CFH: variants seen among roughly 807,000 people sequenced by gnomAD.
The protein encoded by CFH is complement factor H, also known as H factor 1 (complement).
A neutral mutation model predicts 147.3 loss-of-function variants in CFH; 53 were observed. The observed-to-expected ratio is 0.36, with a 90% CI of 0.29 to 0.45. CFH has a LOEUF of 0.45. Ranked by LOEUF, CFH falls within the 20% of genes least tolerant of loss-of-function variation. The pLI is 1.00. For missense variants in CFH, 1,380 were observed against 1,498.0 expected (o/e 0.92, Z 1.30); for synonymous variants, 536 against 489.4 (o/e 1.10, Z -1.26).
chr1:196,673,233 G>A, intron 2 of CFH, 70 bp downstream of exon 2: 1 of 1,310,064 alleles, frequency 7.6e-7, no homozygotes. Flanking sequence ...TAATATTGTA[G>A]CAATTATGCC....
intron 11 of CFH, among the ~76,000 whole-genome samples, chr1:196,724,010 T>C (rs1033519333): frequency 6.6e-6 from 1 of 152,040 alleles, no homozygotes; most frequent in Non-Finnish European, 1.5e-5. Context: ...TACTCCTCCC[T>C]TGCAGAGCCA....
At chr1:196,669,920 G>T (rs780102311) in intron 1 of CFH, among the ~76,000 whole-genome samples, 1 of 152,182 alleles carries the variant, frequency 6.6e-6, no homozygotes, top group South Asian at 2.1e-4. Flanking sequence ...CCAGGGCAGG[G>T]GGCCATACCT....
At chr1:196,733,451 G>A (rs947461742) in intron 15 of CFH, among the ~76,000 whole-genome samples, 1 of 152,076 alleles carries the variant, frequency 6.6e-6, no homozygotes, top group Non-Finnish European at 1.5e-5. Context: ...AGAGTTTTAA[G>A]AGGAGTCCTT....
chr1:196,713,815 G>A lies in CFH; in HGVS notation c.1417G>A (p.Ala473Thr), dbSNP rs1306233930. 1 of 1,611,806 alleles carries A rather than the reference G, an allele frequency of 6.2e-7. No individual in the cohort carries two copies. Among genetic ancestry groups the A allele is most frequent in the South Asian group, 1.1e-5 (1 of 91,024 alleles). Residue 473 changes from alanine (A) to threonine (T), a missense_variant, in exon 10 of 22, where the codon GCG (alanine) becomes ACG (threonine). By Grantham distance (58) the Ala-to-Thr change is moderately conservative. Transcript: ENST00000367429. ...SQYTYALKEK[A>T]KYQCKLGYVT... ...GTATACATATGCCTTAAAAGAAAAA[G>A]CGAAATATCAATGCAAACTAGGATA...
chr1:196,688,927 A>T lies in CFH; in HGVS notation c.965-493A>T, dbSNP rs117860689. The stretch of plus-strand genomic sequence containing the variant: ...CGCCCAGCCCATGAATTCAATCTAA[A>T]ACAAATAAAAACCTTAAATCCCTCA... On this transcript the variant is annotated intron_variant, in intron 7 of 21. Transcript: ENST00000367429. Among the ~76,000 whole-genome samples the T allele has an allele frequency of 2.9e-3, 441 of 152,222 alleles. 2 individuals are homozygous for T. The highest frequency in any genetic ancestry group is 0.021 in the East Asian group (108 of 5,176).
intron 5 of CFH, chr1:196,678,124 C>G (rs893002155): frequency 5.7e-6 from 1 of 174,226 alleles, no homozygotes; most frequent in African/African-American, 2.4e-5. Flanking sequence ...TTATGTATTT[C>G]CAGAGATACA....
chr1:196,697,830 AAAG>A (rs935784773), intron 9 of CFH, among the ~76,000 whole-genome samples: 28 of 152,144 alleles, frequency 1.8e-4, no homozygotes, highest in African/African-American at 6.3e-4. Context: ...CAGCCATAAA[AAAG>A]AAGAGTTCAT....
At chr1:196,741,235 A>G (rs1652799140) in intron 18 of CFH, 1 of 195,640 alleles carries the variant, frequency 5.1e-6, no homozygotes, top group African/African-American at 2.4e-5. Context: ...CCGTTTTCAC[A>G]CTGCTGTAAA....
intron 15 of CFH, among the ~76,000 whole-genome samples, chr1:196,729,005 T>G (rs750805731): frequency 4.6e-5 from 7 of 152,170 alleles, no homozygotes; most frequent in Non-Finnish European, 1.0e-4. Context: ...TATCTATTAA[T>G]TTATTGTTCA....
chr1:196,702,896 G>C (rs562979117), intron 9 of CFH, among the ~76,000 whole-genome samples: 3 of 152,212 alleles, frequency 2.0e-5, no homozygotes, highest in African/African-American at 7.2e-5. Flanking sequence ...AATGAGGGTT[G>C]CTTTGGAATT....
At chr1:196,711,732 CTGAT>C (rs1310406714) in intron 9 of CFH, among the ~76,000 whole-genome samples, 9 of 152,052 alleles carry the variant, frequency 5.9e-5, no homozygotes, top group Admixed American at 2.6e-4. Context: ...TCTTTCTACT[CTGAT>C]TGATTCCATT....
At chr1:196,695,297 G>T (rs1378896537) in intron 9 of CFH, among the ~76,000 whole-genome samples, 3 of 152,136 alleles carry the variant, frequency 2.0e-5, no homozygotes, top group Admixed American at 1.3e-4. Context: ...TGTCAGGTTT[G>T]TTGAAGATCA....
Position 196,689,624 on chromosome 1 carries a change from C to A in CFH, c.1159+10C>A, listed in dbSNP as rs1667956091. 6.2e-7 allele frequency: 1 copy of A among 1,612,606 alleles called. No individual in the cohort carries two copies. Reference sequence around the variant, plus strand: ...GCAGTACCATGCCTCAGTAAGTAAACCTCTGAACTGCTATATATATGTATA... The same window carrying A: ...GCAGTACCATGCCTCAGTAAGTAAAACTCTGAACTGCTATATATATGTATA... On this transcript the variant is annotated intron_variant, in intron 8 of 21. Coordinates refer to ENST00000367429, the MANE Select transcript of CFH (RefSeq NM_000186.4).
At chr1:196,654,770 G>C (rs1666628789) in intron 1 of CFH, among the ~76,000 whole-genome samples, 1 of 152,134 alleles carries the variant, frequency 6.6e-6, no homozygotes, top group Admixed American at 6.5e-5. Flanking sequence ...TTAGAGTGCA[G>C]AAACGTTATT....
At chr1:196,656,615 G>A (rs508505) in intron 1 of CFH, among the ~76,000 whole-genome samples, 4,186 of 150,350 alleles carry the variant, frequency 0.028, 222 homozygotes, top group African/African-American at 0.096. Flanking sequence ...CTGTTCTTTC[G>A]CTCATTCATT....
At chr1:196,731,003 T>A (rs887289210) in intron 15 of CFH, among the ~76,000 whole-genome samples, 2 of 151,876 alleles carry the variant, frequency 1.3e-5, no homozygotes, top group African/African-American at 4.8e-5. Flanking sequence ...AGTTTATAAT[T>A]GGATATTAAT....
chr1:196,743,134 T>G (rs1011640592), intron 19 of CFH, among the ~76,000 whole-genome samples: 7 of 152,142 alleles, frequency 4.6e-5, no homozygotes, highest in African/African-American at 7.2e-5. Context: ...ACTGGTAATA[T>G]TTGTTTACTC....
chr1:196,740,272 C>T (rs1275055310), intron 17 of CFH, among the ~76,000 whole-genome samples: 1 of 152,144 alleles, frequency 6.6e-6, no homozygotes, highest in Non-Finnish European at 1.5e-5. Flanking sequence ...CCACAATGCC[C>T]CTTCTTATTT....
chr1:196,688,061 G>A (rs991650886), intron 7 of CFH, among the ~76,000 whole-genome samples: 3 of 151,722 alleles, frequency 2.0e-5, no homozygotes, highest in Non-Finnish European at 4.4e-5. Context: ...AGATGTAAAA[G>A]AATATTTATA....
Sources: allele counts gnomAD v4.1 joint callset (sites outside exome capture counted in the v4.1 genomes callset), GRCh38; gene constraint gnomAD v4.1.1; transcripts MANE v1.5; gene names NCBI Gene and HGNC (gene_info 2026-07-23, HGNC 2026-07-21).